TLL1: variants seen among roughly 807,000 people sequenced by gnomAD.
TLL1 encodes the protein tolloid like 1.
TLL1 carries 49 observed loss-of-function variants against 128.2 expected under a neutral mutation model. That is an observed-to-expected ratio of 0.38 (90% CI 0.30 to 0.48). TLL1 has a LOEUF of 0.48. Among genes scored for constraint, TLL1 ranks in the 20% least tolerant of loss-of-function variants. The pLI, the probability that TLL1 is intolerant of heterozygous loss-of-function variation, is 0.96. For synonymous variants in TLL1, 454 were observed against 418.8 expected (o/e 1.08, Z -1.03); for missense variants, 1,123 against 1,242.0 (o/e 0.90, Z 1.44).
chr4:165,876,685 A>G (rs1730737282), intron 1 of TLL1, among the ~76,000 whole-genome samples: 1 of 152,208 alleles, frequency 6.6e-6, no homozygotes, highest in South Asian at 2.1e-4. Flanking sequence ...GTGAGGTTAC[A>G]TGTCTTCATT....
chr4:166,018,696 T>A (rs1208094627), intron 8 of TLL1, among the ~76,000 whole-genome samples: 1 of 151,898 alleles, frequency 6.6e-6, no homozygotes, highest in Non-Finnish European at 1.5e-5. Flanking sequence ...AACAAACATA[T>A]GAAAAAATGC....
At chr4:166,027,979 T>C (rs533903055) in intron 9 of TLL1, among the ~76,000 whole-genome samples, 1 of 152,244 alleles carries the variant, frequency 6.6e-6, no homozygotes, top group South Asian at 2.1e-4. Flanking sequence ...ATATTATTTA[T>C]GACGATTAGC....
intron 1 of TLL1, among the ~76,000 whole-genome samples, chr4:165,969,038 C>T (rs558857757): frequency 3.3e-5 from 5 of 152,194 alleles, no homozygotes; most frequent in South Asian, 2.1e-4. Flanking sequence ...AAACCCAAAA[C>T]GTATTTTGAA....
chr4:165,900,614 T>C (rs983384824), intron 1 of TLL1, among the ~76,000 whole-genome samples: 3 of 152,254 alleles, frequency 2.0e-5, no homozygotes, highest in Non-Finnish European at 4.4e-5. Context: ...TCTGTTATTC[T>C]GATGGACTTC....
chr4:165,912,786 C>T (rs1238931937), intron 1 of TLL1, among the ~76,000 whole-genome samples: 2 of 151,884 alleles, frequency 1.3e-5, no homozygotes, highest in African/African-American at 2.4e-5. Context: ...GCATTCTATT[C>T]CCTTAAAAAA....
At chr4:166,028,596 G>T (rs910558883) in intron 9 of TLL1, among the ~76,000 whole-genome samples, 3 of 151,914 alleles carry the variant, frequency 2.0e-5, no homozygotes, top group Admixed American at 6.6e-5. Context: ...CACTATGGTA[G>T]ATTTGTTAAT....
rs1740954613 is a variant in TLL1, at chr4:166,074,939, G to A, written c.2250G>A (p.Gly750=). The part of the protein sequence containing the change: ...GCQHECVNTM[G]SYMCQCRNGF... Reference sequence around the variant, plus strand: ...AGCACGAATGTGTCAACACGATGGGGAGCTACATGTGTCAATGCCGTAATG... The same window carrying A: ...AGCACGAATGTGTCAACACGATGGGAAGCTACATGTGTCAATGCCGTAATG... Residue 750 remains glycine (G), a synonymous_variant, in exon 17 of 21, where the codon GGG becomes GGA. Transcript: ENST00000061240. 5 of 1,613,650 alleles carry A rather than the reference G, an allele frequency of 3.1e-6. No homozygotes were observed. Among genetic ancestry groups the A allele is most frequent in the Non-Finnish European group, 4.2e-6 (5 of 1,179,668 alleles).
intron 9 of TLL1, among the ~76,000 whole-genome samples, chr4:166,034,487 T>C (rs1738908072): frequency 6.6e-6 from 1 of 152,082 alleles, no homozygotes; most frequent in Non-Finnish European, 1.5e-5. Context: ...ACTAGAGTCA[T>C]TGATTCCAAA....
intron 17 of TLL1, among the ~76,000 whole-genome samples, chr4:166,076,628 A>G (rs1487269757): frequency 1.3e-5 from 2 of 152,176 alleles, no homozygotes; most frequent in Admixed American, 6.6e-5. Flanking sequence ...CAGTTTAGCA[A>G]TGAGCCTCTC....
chr4:166,051,319 C>CTTCCTTCT (rs1198778489), intron 12 of TLL1, among the ~76,000 whole-genome samples: 2 of 145,488 alleles, frequency 1.4e-5, no homozygotes, highest in Non-Finnish European at 3.0e-5. Context: ...TCCTTCCTTC[C>CTTCCTTCT]TTCCTTCTTT....
At chr4:165,995,276 T>C in intron 5 of TLL1, 98 bp downstream of exon 5, 1 of 981,300 alleles carries the variant, frequency 1.0e-6, no homozygotes, top group Non-Finnish European at 1.6e-6. Context: ...AAGATTTGCT[T>C]TGTATTTTGG....
At chr4:166,070,341 A>T (rs1270258036) in intron 16 of TLL1, among the ~76,000 whole-genome samples, 1 of 151,960 alleles carries the variant, frequency 6.6e-6, no homozygotes, top group Non-Finnish European at 1.5e-5. Context: ...TACCTGAAAA[A>T]AATAGCACAT....
intron 9 of TLL1, among the ~76,000 whole-genome samples, chr4:166,033,849 G>T (rs12642840): frequency 0.13 from 19,946 of 152,114 alleles, 1,411 homozygotes; most frequent in East Asian, 0.27. Context: ...ATTGATTCTT[G>T]CATCCCTTAG....
In TLL1 at chr4:166,014,544, G is replaced by A; in HGVS notation, c.1026G>A (p.Lys342=). The A allele has an allele frequency of 6.2e-7, 1 of 1,612,020 alleles. No individual in the cohort carries two copies. The change falls in exon 8 of 21, where the codon AAG becomes AAA. Residue 342 remains lysine (K), a synonymous_variant. Transcript: ENST00000061240. ...LSKGDIAQAR[K]LYRCPACGET... is the part of the protein sequence containing the mutation. ...AAGGAGATATCGCACAGGCAAGAAA[G>A]CTGTATAGATGTCCAGGTATTGCAC...
chr4:166,060,348 G>T (rs567261143), intron 15 of TLL1, among the ~76,000 whole-genome samples, 160 bp downstream of exon 15: 2 of 151,980 alleles, frequency 1.3e-5, no homozygotes, highest in South Asian at 4.2e-4. Context: ...AATCTCGTTG[G>T]CATTGGATGA....
At chr4:165,931,591 C>T (rs993350448) in intron 1 of TLL1, among the ~76,000 whole-genome samples, 18 of 151,854 alleles carry the variant, frequency 1.2e-4, no homozygotes, top group African/African-American at 2.9e-4. Context: ...TGGTGGTGGG[C>T]ACCTGTAGTC....
intron 20 of TLL1, among the ~76,000 whole-genome samples, chr4:166,100,128 T>G (rs765147290): frequency 6.6e-6 from 1 of 152,110 alleles, no homozygotes; most frequent in Non-Finnish European, 1.5e-5. Context: ...TCCTCCAGGA[T>G]TCACTGCATT....
chr4:166,039,186 GA>G (rs1258391020), intron 9 of TLL1, among the ~76,000 whole-genome samples, 152 bp from the exon 10 acceptor site: 1 of 151,968 alleles, frequency 6.6e-6, no homozygotes, highest in Non-Finnish European at 1.5e-5. Context: ...GTTTGGTTCA[GA>G]AAAAAACTAT....
chr4:165,936,789 TG>T (rs913945356), intron 1 of TLL1, among the ~76,000 whole-genome samples: 2 of 151,890 alleles, frequency 1.3e-5, no homozygotes, highest in African/African-American at 4.8e-5. Flanking sequence ...AAAAATTGGC[TG>T]GGCATGGTGG....
Sources: allele counts gnomAD v4.1 joint callset (sites outside exome capture counted in the v4.1 genomes callset), GRCh38; gene constraint gnomAD v4.1.1; transcripts MANE v1.5; gene names NCBI Gene and HGNC (gene_info 2026-07-23, HGNC 2026-07-21).